SRRM3: variants seen among roughly 807,000 people sequenced by gnomAD.
The protein encoded by SRRM3 is serine/arginine repetitive matrix 3, also known as serine/arginine repetitive matrix protein 3.
Under a neutral mutation model 66.2 loss-of-function variants are expected in SRRM3, and 27 were observed. That is an observed-to-expected ratio of 0.41 (90% CI 0.30 to 0.56). SRRM3 has a LOEUF of 0.56. Among genes scored for constraint, SRRM3 ranks in the 20% least tolerant of loss-of-function variants. SRRM3 has a pLI of 0.32. For missense variants in SRRM3, 918 were observed against 991.9 expected (o/e 0.93, Z 1.00); for synonymous variants, 391 against 414.9 (o/e 0.94, Z 0.70).
chr7:76,216,402 G>T (rs1800572799), intron 1 of SRRM3, among the ~76,000 whole-genome samples: 1 of 152,230 alleles, frequency 6.6e-6, no homozygotes, highest in Non-Finnish European at 1.5e-5. Context: ...TTCACAAAGT[G>T]CTGGGATTAC....
chr7:76,224,994 GCCCACCTTC>G (rs1800820340), intron 1 of SRRM3, among the ~76,000 whole-genome samples: 2 of 152,080 alleles, frequency 1.3e-5, no homozygotes, highest in Non-Finnish European at 1.5e-5. Flanking sequence ...AATGGGACCA[GCCCACCTTC>G]GCCCCGGTCT....
At chr7:76,204,664 C>T (rs1347992057) in intron 1 of SRRM3, among the ~76,000 whole-genome samples, 1 of 152,174 alleles carries the variant, frequency 6.6e-6, no homozygotes, top group Non-Finnish European at 1.5e-5. Context: ...CTGAAGGACT[C>T]TTGAACATGA....
intron 10 of SRRM3, among the ~76,000 whole-genome samples, chr7:76,266,252 T>C (rs1238075503): frequency 2.5e-5 from 3 of 121,878 alleles, no homozygotes; most frequent in Non-Finnish European, 4.7e-5. Context: ...AATATTTATA[T>C]ATTTAATATA....
chr7:76,257,436 G>A (rs1485680303), intron 3 of SRRM3, among the ~76,000 whole-genome samples: 1 of 93,908 alleles, frequency 1.1e-5, no homozygotes, highest in East Asian at 3.1e-4. Flanking sequence ...TTCCAGGCTT[G>A]TTCAATTAAA....
intron 3 of SRRM3, among the ~76,000 whole-genome samples, chr7:76,255,802 C>G (rs1439643522): frequency 6.6e-6 from 1 of 152,130 alleles, no homozygotes; most frequent in Non-Finnish European, 1.5e-5. Context: ...TTAGTGGGTT[C>G]CCTAAAAAAT....
Position 76,281,834 on chromosome 7 carries a change from GC to G in SRRM3, c.1370+37del. The G allele has an allele frequency of 1.3e-5, 15 of 1,138,356 alleles. No homozygotes were observed. The South Asian group carries it at 2.8e-4, about 21-fold the overall frequency. 70.5% of individuals were successfully genotyped at this position (1,138,356 alleles called of 1,614,324 possible). A position where few individuals can be genotyped will look rare whatever the true frequency, so the allele number is the denominator to read the frequency against. On this transcript the variant is annotated intron_variant, in intron 12 of 14. Coordinates refer to ENST00000611745, the MANE Select transcript of SRRM3 (RefSeq NM_001110199.3). The stretch of plus-strand genomic sequence containing the variant: ...GTGCTGGACCCGGAGCTGGACTCCC[GC>G]CCCCACCCCGCACAGGGCTCCCCTC...
Position 76,260,032 on chromosome 7 carries a change from C to T in SRRM3, c.462C>T (p.Tyr154=), listed in dbSNP as rs782284556. Reference sequence around the variant, plus strand: ...CCTGCTACCGCGGCCACCGCGGGTACAGGTCAGCGGCCGCCGCGGCGGGGG... The same window carrying T: ...CCTGCTACCGCGGCCACCGCGGGTATAGGTCAGCGGCCGCCGCGGCGGGGG... ...PASCYRGHRG[Y]RTKHWSSSSA... The change falls in exon 4 of 15, where the codon TAC becomes TAT. Residue 154 remains tyrosine (Y), a splice_region_variant and synonymous_variant. Coordinates refer to ENST00000611745, the MANE Select transcript of SRRM3 (RefSeq NM_001110199.3). The T allele has an allele frequency of 9.7e-6, 15 of 1,553,204 alleles. No homozygotes were observed. Among genetic ancestry groups the T allele is most frequent in the Admixed American group, 1.9e-5 (1 of 52,200 alleles).
At position 76,285,108 on chromosome 7, in the gene SRRM3, G is replaced by T. The variant is rs1434161011; in HGVS notation, c.1734-507G>T. 6.5e-6 allele frequency: 1 copy of T among 153,770 alleles called. No homozygotes were observed. Among genetic ancestry groups the T allele is most frequent in the African/African-American group, 2.4e-5 (1 of 41,414 alleles). The allele number at this position is 153,770 out of a possible 1,614,324, so 9.5% of individuals were successfully genotyped here. A position where few individuals can be genotyped will look rare whatever the true frequency, so the allele number is the denominator to read the frequency against. Reference sequence around the variant, plus strand: ...AGACGGAGTCTCACTCTGTCACCCAGGCTGGAGTGCAGTGGCGCAATCTCC... The same window carrying T: ...AGACGGAGTCTCACTCTGTCACCCATGCTGGAGTGCAGTGGCGCAATCTCC... On this transcript the variant is annotated intron_variant, in intron 14 of 14. Coordinates refer to ENST00000611745, the MANE Select transcript of SRRM3 (RefSeq NM_001110199.3). The surrounding 1 kb of genome is among the most constrained non-coding windows in gnomAD (Gnocchi z 4.1).
At chr7:76,223,268 C>T (rs55804588) in intron 1 of SRRM3, among the ~76,000 whole-genome samples, 1 of 152,026 alleles carries the variant, frequency 6.6e-6, no homozygotes, top group Non-Finnish European at 1.5e-5. Context: ...CTGGTCCTTA[C>T]CCCCCCAGCC....
At chr7:76,248,047 T>A (rs2117026430) in intron 2 of SRRM3, 141 bp from the exon 3 acceptor site, 2 of 655,266 alleles carry the variant, frequency 3.1e-6, no homozygotes, top group East Asian at 5.5e-5. Context: ...CCTGGCTTGA[T>A]CTGTGACCTT....
At chr7:76,281,276 C>T (rs1802495747) in intron 11 of SRRM3, among the ~76,000 whole-genome samples, 165 bp from the exon 12 acceptor site, 1 of 151,228 alleles carries the variant, frequency 6.6e-6, no homozygotes, top group Non-Finnish European at 1.5e-5. Context: ...CTCTCTCTCT[C>T]CTCTCTTTCT....
intron 1 of SRRM3, among the ~76,000 whole-genome samples, chr7:76,213,744 G>A (rs11489553): frequency 0.17 from 25,492 of 151,790 alleles, 2,414 homozygotes; most frequent in East Asian, 0.3. Context: ...GGTGGCAGAG[G>A]CTCCTCTCTG....
At chr7:76,221,869 CTGA>C (rs1211582076) in intron 1 of SRRM3, among the ~76,000 whole-genome samples, 2 of 152,206 alleles carry the variant, frequency 1.3e-5, no homozygotes. Context: ...TAGTTCATGG[CTGA>C]TAACAGCTAA....
At position 76,215,394 on chromosome 7, in the gene SRRM3, G is replaced by GTTTT. The variant is rs1170079332; in HGVS notation, c.-40+13350_-40+13353dup. Among the ~76,000 whole-genome samples the GTTTT allele has an allele frequency of 2.2e-4, 21 of 95,124 alleles. 2 individuals carry two copies. The highest frequency in any genetic ancestry group is 4.0e-4 in the Non-Finnish European group (20 of 49,812). The allele number at this position is 95,124 out of a possible 152,430, so 62.4% of individuals were successfully genotyped here. On this transcript the variant is annotated intron_variant, in intron 1 of 14. Transcript: ENST00000611745. ...CTGGGCTGGGAGTTAGGAGCCCGCA[G>GTTTT]TTTTTTTTTTTTTTTTTTTTTTTTT... is the stretch of plus-strand genomic sequence containing the variant.
At chr7:76,265,305 C>T (rs981908910) in intron 9 of SRRM3, 59 bp from the exon 10 acceptor site, 2 of 1,362,228 alleles carry the variant, frequency 1.5e-6, no homozygotes, top group African/African-American at 1.5e-5. Context: ...AACTTGGGGG[C>T]TGGGGGGATC....
intron 1 of SRRM3, among the ~76,000 whole-genome samples, chr7:76,214,217 G>A (rs1006801474): frequency 2.6e-5 from 4 of 152,004 alleles, no homozygotes; most frequent in Non-Finnish European, 2.9e-5. Flanking sequence ...GGAGATTCTC[G>A]GATGATGGCA....
intron 11 of SRRM3, chr7:76,269,169 G>C (rs1802146985): frequency 6.6e-6 from 1 of 152,290 alleles, no homozygotes; most frequent in Non-Finnish European, 1.5e-5. Context: ...ACCAGCCTTG[G>C]GGCGGGAGCT....
chr7:76,282,782 G>T lies in SRRM3; in HGVS notation c.1505G>T (p.Ser502Ile), dbSNP rs1239845868. 1.4e-6 allele frequency: 2 copies of T among 1,466,058 alleles called. No homozygotes were observed. The highest frequency in any genetic ancestry group is 9.0e-7 in the Non-Finnish European group (1 of 1,114,874). 90.8% of individuals were successfully genotyped at this position (1,466,058 alleles called of 1,614,324 possible). ...CCGCACCCCCGCTCCTGGAGCTCCA[G>T]CCGCTCGCCCTCCAAATCTCGCTCG... ...PGPHPRSWSS[S>I]RSPSKSRSRS... The change falls in exon 13 of 15, where the codon AGC becomes ATC. Residue 502 changes from serine (S) to isoleucine (I), a missense_variant. Physicochemically the swap from Ser to Ile is moderately radical, Grantham distance 142 (BLOSUM62 -2). Transcript: ENST00000611745.
At chr7:76,235,002 G>A in intron 1 of SRRM3, 26 bp from the exon 2 acceptor site, 6 of 1,366,500 alleles carry the variant, frequency 4.4e-6, no homozygotes, top group Non-Finnish European at 4.9e-6. Flanking sequence ...TGACCATCCC[G>A]CCTCGTGTCT....
Sources: gnomAD v4.1 joint callset for allele counts (sites outside exome capture counted in the v4.1 genomes callset) on GRCh38, gnomAD v4.1.1 for gene constraint, Gnocchi (gnomAD v3.1) non-coding constraint, MANE v1.5 for transcripts, NCBI Gene and HGNC (gene_info 2026-07-23, HGNC 2026-07-21) for gene names.